HNRNPH2: variants seen among roughly 807,000 people sequenced by gnomAD.
HNRNPH2 encodes FTP-3.
For synonymous variants in HNRNPH2, 128 were observed against 128.2 expected (o/e 1.00, Z 0.01); for missense variants, 115 against 352.9 (o/e 0.33, Z 5.40).
rs1928846641 is a variant in HNRNPH2 at position 101,412,725 on chromosome X, A to G, written c.737A>G (p.Tyr246Cys). The G allele has an allele frequency of 1.7e-6, 2 of 1,211,112 alleles. No homozygotes were observed. The highest frequency in any genetic ancestry group is 2.2e-6 in the Non-Finnish European group (2 of 895,177). The change falls in exon 2 of 2, where the codon TAT (tyrosine) becomes TGT (cysteine). Residue 246 changes from tyrosine (Y) to cysteine (C), a missense_variant. Transcript: ENST00000316594. ...GGAGGGTATGGAGGCTATGATGACT[A>G]TGGTGGCTATAATGATGGATATGGC... ...YGGGYGGYDD[Y>C]GGYNDGYGFG... is the part of the protein sequence containing the mutation.
In HNRNPH2 at chrX:101,412,662, G is replaced by T. The variant is rs1555988446; in HGVS notation, c.674G>T (p.Gly225Val). ...AGAGGGTATAATAGCATTGGCAGAG[G>T]AGCTGGGTTTGAAAGGATGAGGCGT... ...AGRGYNSIGRGAGFERMRRGA... is the reference protein window; with the variant it reads ...AGRGYNSIGRVAGFERMRRGA... The change falls in exon 2 of 2, where the codon GGA (glycine) becomes GTA (valine). Residue 225 changes from glycine to valine, a missense_variant. By Grantham distance (109) the Gly-to-Val change is moderately radical. Transcript: ENST00000316594. 1 of 1,211,392 alleles carries T rather than the reference G, an allele frequency of 8.3e-7. No homozygotes were observed.
chrX:101,412,315 C>T lies in HNRNPH2; in HGVS notation c.327C>T (p.Asn109=). Residue 109 remains asparagine (N), a synonymous_variant, in exon 2 of 2, where the codon AAC becomes AAT. Transcript: ENST00000316594. ...HTGPNSPDTA[N]DGFVRLRGLP... The stretch of plus-strand genomic sequence containing the variant: ...GTCCGAATAGCCCTGATACTGCCAA[C>T]GATGGCTTCGTCCGGCTTAGAGGAC... 2 of 1,210,857 alleles carry T rather than the reference C, an allele frequency of 1.7e-6. No individual in the cohort carries two copies. The highest frequency in any genetic ancestry group is 1.7e-5 in the African/African-American group (1 of 57,926).
intron 1 of HNRNPH2, among the ~76,000 whole-genome samples, chrX:101,411,404 ATTTTTTTTTTTT>A (rs782617767): frequency 4.1e-5 from 2 of 48,953 alleles, no homozygotes; most frequent in Admixed American, 2.4e-4. Flanking sequence ...GTTGCTGTTA[ATTTTTTTTTTTT>A]TTTTTTTTTT....
At position 101,413,181 on chromosome X, in the gene HNRNPH2, G is replaced by T. The variant is rs1555988551; in HGVS notation, c.1193G>T (p.Gly398Val). 8.3e-7 allele frequency: 1 copy of T among 1,211,846 alleles called. No homozygotes were observed. Among genetic ancestry groups the T allele is most frequent in the Non-Finnish European group, 1.1e-6 (1 of 895,509 alleles). Residue 398 changes from glycine (G) to valine (V), a missense_variant, in exon 2 of 2, where the codon GGA becomes GTA. Coordinates refer to ENST00000316594, the MANE Select transcript of HNRNPH2 (RefSeq NM_019597.5). ...SGGAYGSQMM[G>V]GMGLSNQSSY... ...GGCGCTTATGGTAGCCAAATGATGG[G>T]AGGGATGGGCTTATCCAACCAGTCT... is the stretch of plus-strand genomic sequence containing the variant.
chrX:101,412,060 C>T lies in HNRNPH2; in HGVS notation c.72C>T (p.Ala24=), dbSNP rs180759222. 7.4e-6 allele frequency: 9 copies of T among 1,208,207 alleles called. No individual in the cohort carries two copies. Among genetic ancestry groups the T allele is most frequent in the South Asian group, 1.8e-5 (1 of 56,685 alleles). The change falls in exon 2 of 2, where the codon GCC becomes GCT. Residue 24 remains alanine (A), a synonymous_variant. Coordinates refer to ENST00000316594, the MANE Select transcript of HNRNPH2 (RefSeq NM_019597.5). ...GGGGCCTACCCTGGTCCTGCTCAGCCGATGAAGTGATGCGCTTCTTCTCTG... is the reference window on the plus strand; with the variant it reads ...GGGGCCTACCCTGGTCCTGCTCAGCTGATGAAGTGATGCGCTTCTTCTCTG... ...KVRGLPWSCS[A]DEVMRFFSDC... is the part of the protein sequence containing the mutation.
chrX:101,411,404 ATTTTTTTTT>A (rs782617767), intron 1 of HNRNPH2, among the ~76,000 whole-genome samples: 3 of 48,952 alleles, frequency 6.1e-5, no homozygotes, highest in African/African-American at 3.4e-4. Context: ...GTTGCTGTTA[ATTTTTTTTT>A]TTTTTTTTTT....
rs1242545173 is a variant in HNRNPH2 at position 101,411,917 on chromosome X, T to G, written c.-53-19T>G. 6 of 1,137,039 alleles carry G rather than the reference T, an allele frequency of 5.3e-6. No individual in the cohort carries two copies. The highest frequency in any genetic ancestry group is 3.1e-5 in the Admixed American group (1 of 32,071). 93.7% of individuals were successfully genotyped at this position (1,137,039 alleles called of 1,213,427 possible). A position where few individuals can be genotyped will look rare whatever the true frequency, so the allele number is the denominator to read the frequency against. ...CGAGCATTTTTCCATGACAGTAGTC[T>G]TCTTTTTTTTTTTTTCAGCTACACC... On this transcript the variant is annotated intron_variant, in intron 1 of 1. Coordinates refer to ENST00000316594, the MANE Select transcript of HNRNPH2 (RefSeq NM_019597.5).
chrX:101,410,016 T>C (rs1229810338), intron 1 of HNRNPH2, among the ~76,000 whole-genome samples: 1 of 112,269 alleles, frequency 8.9e-6, no homozygotes, highest in African/African-American at 3.2e-5. Context: ...GGAAGGATTC[T>C]AGCAGTGTCA....
rs1295425074 is a variant in HNRNPH2, at chrX:101,408,272, A to G, written c.-101A>G. On this transcript the variant is annotated 5_prime_UTR_variant, in exon 1 of 2. Coordinates refer to ENST00000316594, the MANE Select transcript of HNRNPH2 (RefSeq NM_019597.5). The stretch of plus-strand genomic sequence containing the variant: ...TCTGGTCGTCGTCTACCGTCTCGCT[A>G]TAGCCGTTTGAGGGAAGAAGGAGGA... 3.7e-6 allele frequency: 1 copy of G among 272,282 alleles called. No homozygotes were observed. Among genetic ancestry groups the G allele is most frequent in the Non-Finnish European group, 6.7e-6 (1 of 148,826 alleles). 22.4% of individuals were successfully genotyped at this position (272,282 alleles called of 1,213,427 possible). A position where few individuals can be genotyped will look rare whatever the true frequency, so the allele number is the denominator to read the frequency against.
intron 1 of HNRNPH2, among the ~76,000 whole-genome samples, chrX:101,410,705 C>T (rs1472142507): frequency 4.5e-5 from 5 of 111,461 alleles, no homozygotes; most frequent in Non-Finnish European, 5.6e-5. Context: ...TTGAGTGCCA[C>T]GCTGTTGCCA....
At chrX:101,408,509 A>C (rs782334100) in intron 1 of HNRNPH2, among the ~76,000 whole-genome samples, 190 bp downstream of exon 1, 1 of 107,232 alleles carries the variant, frequency 9.3e-6, no homozygotes, top group African/African-American at 3.4e-5. Context: ...GTGGACGCTC[A>C]TGACTGTGTA....
Position 101,411,961 on chromosome X carries a change from A to C in HNRNPH2, c.-28A>C. The stretch of plus-strand genomic sequence containing the variant: ...CTACACCAAAATTGCATTGAGCCAA[A>C]CTTGCCACCAAGAGCCCAACAATCA... On this transcript the variant is annotated 5_prime_UTR_variant, in exon 2 of 2. Coordinates refer to ENST00000316594, the MANE Select transcript of HNRNPH2 (RefSeq NM_019597.5). 8.6e-7 allele frequency: 1 copy of C among 1,164,684 alleles called. No individual in the cohort carries two copies. Among genetic ancestry groups the C allele is most frequent in the Middle Eastern group, 2.4e-4 (1 of 4,115 alleles).
chrX:101,410,582 G>T (rs1442340615), intron 1 of HNRNPH2, among the ~76,000 whole-genome samples: 1 of 111,823 alleles, frequency 8.9e-6, no homozygotes, highest in Non-Finnish European at 1.9e-5. Flanking sequence ...TTTGGTATGT[G>T]TAGATACATC....
At position 101,408,231 on chromosome X, in the gene HNRNPH2, C is replaced by T. The variant is rs1257857647; in HGVS notation, c.-142C>T. On this transcript the variant is annotated 5_prime_UTR_variant, in exon 1 of 2. In the 5' UTR this introduces an upstream ATG that the reference lacks. Transcript: ENST00000316594. ...AGGCGCTCACGTGATTACTCGCTTA[C>T]GTGAGCAGAAGTAGTTCTGGTCGTC... The T allele has an allele frequency of 1.5e-5, 5 of 329,253 alleles. No individual in the cohort carries two copies. The highest frequency in any genetic ancestry group is 2.7e-5 in the Non-Finnish European group (5 of 182,773). 27.1% of individuals were successfully genotyped at this position (329,253 alleles called of 1,213,427 possible).
At chrX:101,409,801 T>G (rs1928721110) in intron 1 of HNRNPH2, among the ~76,000 whole-genome samples, 1 of 112,068 alleles carries the variant, frequency 8.9e-6, no homozygotes, top group South Asian at 3.6e-4. Flanking sequence ...ACTATGTATA[T>G]TCTTTTATTT....
At chrX:101,408,349 A>G (rs1460788045) in intron 1 of HNRNPH2, 30 bp downstream of exon 1, 2 of 184,554 alleles carry the variant, frequency 1.1e-5, no homozygotes, top group Non-Finnish European at 2.0e-5. Context: ...CTGGGGACCC[A>G]GGGGTGGTGA....
Position 101,413,164 on chromosome X carries a change from T to C in HNRNPH2, c.1176T>C (p.Tyr392=). 3.3e-6 allele frequency: 4 copies of C among 1,211,953 alleles called. No homozygotes were observed. The highest frequency in any genetic ancestry group is 3.0e-5 in the East Asian group (1 of 33,867). ...NSTAGASGGA[Y]GSQMMGGMGL... is the part of the protein sequence containing the mutation. Reference sequence around the variant, plus strand: ...CAGCAGGGGCAAGTGGTGGCGCTTATGGTAGCCAAATGATGGGAGGGATGG... The same window carrying C: ...CAGCAGGGGCAAGTGGTGGCGCTTACGGTAGCCAAATGATGGGAGGGATGG... The change falls in exon 2 of 2, where the codon TAT becomes TAC. Residue 392 remains tyrosine (Y), a synonymous_variant. Transcript: ENST00000316594.
At position 101,413,920 on chromosome X, in the gene HNRNPH2, T is replaced by C. The variant is rs782428505; in HGVS notation, c.*582T>C. ...TTAATTCTAGCTTTTTGGTTTAATA[T>C]CCTGTAAGGCACGTGAGTGTACACT... On this transcript the variant is annotated 3_prime_UTR_variant, in exon 2 of 2. Transcript: ENST00000316594. 8.2e-6 allele frequency: 1 copy of C among 122,289 alleles called. No homozygotes were observed. Among genetic ancestry groups the C allele is most frequent in the African/African-American group, 3.3e-5 (1 of 30,637 alleles). 10.1% of individuals were successfully genotyped at this position (122,289 alleles called of 1,213,427 possible).
intron 1 of HNRNPH2, among the ~76,000 whole-genome samples, chrX:101,410,441 G>T (rs1170355282): frequency 1.8e-5 from 2 of 111,984 alleles, no homozygotes; most frequent in African/African-American, 3.2e-5. Context: ...GAAAAATAAC[G>T]ATTAGTTCTG....
Sources: allele counts gnomAD v4.1 joint callset (sites outside exome capture counted in the v4.1 genomes callset), GRCh38; gene constraint gnomAD v4.1.1; transcripts MANE v1.5; gene names NCBI Gene and HGNC (gene_info 2026-07-23, HGNC 2026-07-21).